MRPS27: variants seen among roughly 807,000 people sequenced by gnomAD.
The protein encoded by MRPS27 is mitochondrial ribosomal protein S27, also known as small ribosomal subunit protein mS27.
A neutral mutation model predicts 48.9 loss-of-function variants in MRPS27; 43 were observed. The ratio of observed to expected loss-of-function variants is 0.88; its 90% CI spans 0.69 to 1.13. The LOEUF is 1.13. Among genes scored for constraint, MRPS27 ranks in the 50% most tolerant of loss-of-function variants. MRPS27 has a pLI of 0.00. For synonymous variants in MRPS27, 188 were observed against 171.9 expected (o/e 1.09, Z -0.73); for missense variants, 467 against 476.3 (o/e 0.98, Z 0.18).
At chr5:72,290,398 G>T (rs1186047523) in intron 4 of MRPS27, among the ~76,000 whole-genome samples, 1 of 152,178 alleles carries the variant, frequency 6.6e-6, no homozygotes, top group African/African-American at 2.4e-5. Context: ...AATTTCTTCT[G>T]CCTTAGTTTC....
Position 72,223,712 on chromosome 5 carries a change from TG to T in MRPS27, c.975del (p.Lys326SerfsTer28). 7 of 1,614,030 alleles carry T rather than the reference TG, an allele frequency of 4.3e-6. No individual in the cohort carries two copies. In the South Asian group the frequency reaches 7.7e-5, roughly 18 times the overall value. On this transcript the variant is annotated frameshift_variant, in exon 10 of 11. Coordinates refer to ENST00000261413, the MANE Select transcript of MRPS27 (RefSeq NM_015084.3). LOFTEE classifies it low-confidence loss of function (END_TRUNC). ...AATCGTTCCAGGTATTGAGGAAGCT[TG>T]GACTGCTCTGTTTCCTCGATGTCTA... is the stretch of plus-strand genomic sequence containing the variant. ...EQLDIEETEQSKLPQYLERFK... is the reference protein window; with the variant it reads ...EQLDIEETEQXKLPQYLERFK...
intron 4 of MRPS27, among the ~76,000 whole-genome samples, chr5:72,259,447 A>G (rs1284214637): frequency 3.4e-5 from 5 of 146,724 alleles, no homozygotes; most frequent in Non-Finnish European, 7.5e-5. Context: ...CAGCCTGGGC[A>G]ACAAAAGTGA....
chr5:72,247,455 A>G (rs555299638), intron 4 of MRPS27, among the ~76,000 whole-genome samples: 34 of 152,350 alleles, frequency 2.2e-4, no homozygotes, highest in African/African-American at 7.2e-4. Context: ...AGCTGATTTT[A>G]CTTTATTCCA....
At chr5:72,228,235 G>A in intron 8 of MRPS27, 31 bp downstream of exon 8, 1 of 1,481,734 alleles carries the variant, frequency 6.7e-7, no homozygotes, top group Non-Finnish European at 9.4e-7. Context: ...TAACCATGAA[G>A]AACAGTATTT....
In MRPS27 at chr5:72,219,678, C is replaced by T. The variant is rs1049045039; in HGVS notation, c.*1231G>A. ...AGAGACACTTCAGAAAGGAATTTTACATCTCCTGACAGTTTTACAACATTC... is the reference window on the plus strand; with the variant it reads ...AGAGACACTTCAGAAAGGAATTTTATATCTCCTGACAGTTTTACAACATTC... On this transcript the variant is annotated 3_prime_UTR_variant, in exon 11 of 11. Coordinates refer to ENST00000261413, the MANE Select transcript of MRPS27 (RefSeq NM_015084.3). 1 of 152,314 alleles carries T rather than the reference C, an allele frequency of 6.6e-6. No individual in the cohort carries two copies. The highest frequency in any genetic ancestry group is 1.5e-5 in the Non-Finnish European group (1 of 68,036). The allele number at this position is 152,314 out of a possible 1,614,324, so 9.4% of individuals were successfully genotyped here.
intron 4 of MRPS27, among the ~76,000 whole-genome samples, chr5:72,258,034 C>T (rs901414231): frequency 2.8e-5 from 4 of 144,648 alleles, no homozygotes; most frequent in Non-Finnish European, 4.5e-5. Flanking sequence ...CAGTGAGCCA[C>T]GACAGGGCCA....
chr5:72,236,242 C>A (rs1272564515), intron 5 of MRPS27, among the ~76,000 whole-genome samples: 1 of 152,062 alleles, frequency 6.6e-6, no homozygotes, highest in East Asian at 1.9e-4. Context: ...GGAGTAGAGG[C>A]AAACATCTAC....
At chr5:72,257,501 G>A (rs148526548) in intron 4 of MRPS27, among the ~76,000 whole-genome samples, 1 of 152,226 alleles carries the variant, frequency 6.6e-6, no homozygotes, top group Non-Finnish European at 1.5e-5. Flanking sequence ...AGTTGAATCT[G>A]GTGGTTCCAC....
intron 1 of MRPS27, among the ~76,000 whole-genome samples, chr5:72,316,231 G>A (rs2112094337): frequency 6.6e-6 from 1 of 152,360 alleles, no homozygotes; most frequent in Middle Eastern, 3.4e-3. Flanking sequence ...AGGAAAGCTA[G>A]AGGAGAAATG....
chr5:72,310,620 T>A (rs1750420047), intron 2 of MRPS27, among the ~76,000 whole-genome samples: 1 of 152,254 alleles, frequency 6.6e-6, no homozygotes, highest in South Asian at 2.1e-4. Context: ...GAGTGTTAGC[T>A]AGTAAATCTG....
Position 72,220,998 on chromosome 5 carries a change from G to T in MRPS27, c.1156C>A (p.Leu386Ile), listed in dbSNP as rs1210363736. The change falls in exon 11 of 11, where the codon CTT (leucine) becomes ATT (isoleucine). Residue 386 changes from leucine (L) to isoleucine (I), a missense_variant. Transcript: ENST00000261413. Reference protein sequence around the residue: ...EQNLQQWHLDLVQLIQREQQQ... With the variant: ...EQNLQQWHLDIVQLIQREQQQ... ...TGTTCTCTCTGGATCAACTGTACAA[G>T]GTCTAGATGCCACTGCTGCAGATTC... 6.2e-7 allele frequency: 1 copy of T among 1,614,204 alleles called. No homozygotes were observed. The highest frequency in any genetic ancestry group is 1.7e-4 in the Middle Eastern group (1 of 6,060).
intron 9 of MRPS27, among the ~76,000 whole-genome samples, chr5:72,224,352 C>T (rs536855042): frequency 6.6e-6 from 1 of 152,310 alleles, no homozygotes; most frequent in Admixed American, 6.5e-5. Context: ...TAGTGAGACC[C>T]TGTCTCAAAG....
intron 4 of MRPS27, among the ~76,000 whole-genome samples, chr5:72,245,410 G>A (rs559384783): frequency 2.0e-5 from 3 of 152,192 alleles, no homozygotes; most frequent in Non-Finnish European, 2.9e-5. Context: ...CAATAAATGA[G>A]CCAGTTTTAA....
intron 4 of MRPS27, among the ~76,000 whole-genome samples, chr5:72,240,144 TA>T (rs1281827027): frequency 6.6e-6 from 1 of 152,122 alleles, no homozygotes; most frequent in Non-Finnish European, 1.5e-5. Context: ...TTCAGCTAAT[TA>T]AAAAAAGAGC....
intron 8 of MRPS27, chr5:72,227,464 C>A (rs902723557): frequency 6.6e-6 from 1 of 152,082 alleles, no homozygotes; most frequent in African/African-American, 2.4e-5. Context: ...TGGCAAAGAT[C>A]AACTTCAAAA....
intron 4 of MRPS27, among the ~76,000 whole-genome samples, chr5:72,294,135 A>C (rs1749914899): frequency 6.6e-6 from 1 of 152,158 alleles, no homozygotes; most frequent in Non-Finnish European, 1.5e-5. Flanking sequence ...AGCCTACTTG[A>C]GGTTTACATT....
chr5:72,275,850 G>A (rs938997697), intron 4 of MRPS27, among the ~76,000 whole-genome samples: 2 of 151,940 alleles, frequency 1.3e-5, no homozygotes, highest in African/African-American at 2.4e-5. Context: ...GGGTGGGCAC[G>A]TAAAGCAAGT....
chr5:72,223,581 C>T, intron 10 of MRPS27, 102 bp downstream of exon 10: 2 of 1,395,956 alleles, frequency 1.4e-6, no homozygotes, highest in South Asian at 2.7e-5. Context: ...TTTTTAATGC[C>T]TCTTTGTGTG....
chr5:72,257,033 T>C (rs894612659), intron 4 of MRPS27, among the ~76,000 whole-genome samples: 2 of 152,222 alleles, frequency 1.3e-5, no homozygotes, highest in Non-Finnish European at 2.9e-5. Flanking sequence ...TGTACAATCA[T>C]GTCACATATA....
Sources: allele counts gnomAD v4.1 joint callset (sites outside exome capture counted in the v4.1 genomes callset), GRCh38; gene constraint gnomAD v4.1.1; transcripts MANE v1.5; gene names NCBI Gene and HGNC (gene_info 2026-07-23, HGNC 2026-07-21).